The following EPB41L3 variants were observed in gnomAD, a reference collection of about 807,000 sequenced individuals.
EPB41L3 encodes erythrocyte membrane protein band 4.1 like 3, also known as band 4.1-like protein 3.
In EPB41L3, 57 loss-of-function variants were observed where a neutral mutation model predicts 127.1. That is an observed-to-expected ratio of 0.45 (90% CI 0.36 to 0.56). The LOEUF is 0.56. Among genes scored for constraint, EPB41L3 ranks in the 20% least tolerant of loss-of-function variants. EPB41L3 has a pLI of 0.00. For synonymous variants in EPB41L3, 572 were observed against 549.5 expected (o/e 1.04, Z -0.57); for missense variants, 1,273 against 1,372.2 (o/e 0.93, Z 1.14).
chr18:5,446,042 C>T (rs1002507259), intron 3 of EPB41L3, among the ~76,000 whole-genome samples: 1 of 152,152 alleles, frequency 6.6e-6, no homozygotes, highest in African/African-American at 2.4e-5. Context: ...AAGAATTAAC[C>T]CTGCTCCTTG....
At position 5,495,399 on chromosome 18, in the gene EPB41L3, T is replaced by TA. The variant is rs200781678; in HGVS notation, c.-11-6206dup. On this transcript the variant is annotated intron_variant, in intron 1 of 22. Coordinates refer to ENST00000341928, the MANE Select transcript of EPB41L3 (RefSeq NM_012307.5). Reference sequence around the variant, plus strand: ...CATTTACAAATCAGTATTGGAAACTTAAAAAAAAAAAAAAAAAAACTAAAT... The same window carrying TA: ...CATTTACAAATCAGTATTGGAAACTTAAAAAAAAAAAAAAAAAAAACTAAAT... Among the ~76,000 whole-genome samples, 910 of 115,960 alleles carry TA rather than the reference T, an allele frequency of 7.8e-3. 1 individual carries two copies. The highest frequency in any genetic ancestry group is 0.012 in the African/African-American group (411 of 33,020). The allele number at this position is 115,960 out of a possible 152,430, so 76.1% of individuals were successfully genotyped here.
chr18:5,438,888 C>T (rs2080252764), intron 5 of EPB41L3, among the ~76,000 whole-genome samples: 1 of 152,192 alleles, frequency 6.6e-6, no homozygotes. Flanking sequence ...CAACACATAT[C>T]CTTGAAACAT....
chr18:5,601,458 G>T (rs1201862975), intron 3 of EPB41L3, among the ~76,000 whole-genome samples: 1 of 152,174 alleles, frequency 6.6e-6, no homozygotes, highest in African/African-American at 2.4e-5. Flanking sequence ...TGCTGACATA[G>T]CCTGCAGGGA....
chr18:5,544,180 C>A, upstream of EPB41L3: 1 of 985,176 alleles, frequency 1.0e-6, no homozygotes. Flanking sequence ...CGCAGTACTT[C>A]AGGACAGTTA....
At chr18:5,549,755 G>A (rs1785385) in intron 3 of EPB41L3, among the ~76,000 whole-genome samples, 35,764 of 151,934 alleles carry the variant, frequency 0.24, 5,767 homozygotes, top group African/African-American at 0.46. Context: ...ACCAAATCTT[G>A]AGAACCATTG....
intron 3 of EPB41L3, among the ~76,000 whole-genome samples, chr18:5,461,442 T>C (rs188369092): frequency 6.6e-6 from 1 of 152,342 alleles, no homozygotes; most frequent in African/African-American, 2.4e-5. Context: ...ATGTGCTTAT[T>C]AGAAAAGGAC....
rs575037905 is a variant in EPB41L3 at position 5,489,139 on chromosome 18, C to G, written c.45G>C (p.Gln15His). 5 of 1,595,056 alleles carry G rather than the reference C, an allele frequency of 3.1e-6. No homozygotes were observed. The highest frequency in any genetic ancestry group is 2.8e-5 in the African/African-American group (2 of 72,626). The change falls in exon 2 of 23, where the codon CAG becomes CAC. Residue 15 changes from glutamine to histidine, a missense_variant. By Grantham distance (24) the Gln-to-His change is conservative. This residue lies in a region of EPB41L3 where 182 missense variants were observed against 149.2 expected (regional missense o/e 1.22). Transcript: ENST00000341928. ...CCGCCGCCTCCTGGGGCTCGGCCTCCTGGTCCGGCTTGGATTCCGAGTCTG... is the reference window on the plus strand; with the variant it reads ...CCGCCGCCTCCTGGGGCTCGGCCTCGTGGTCCGGCTTGGATTCCGAGTCTG... ...SGSDSESKPD[Q>H]EAEPQEAAGA...
intron 1 of EPB41L3, among the ~76,000 whole-genome samples, chr18:5,520,871 C>A (rs2092962575): frequency 1.3e-5 from 2 of 152,124 alleles, no homozygotes; most frequent in East Asian, 3.8e-4. Flanking sequence ...ATACAAGAAA[C>A]CTTTAAGAAT....
intron 3 of EPB41L3, among the ~76,000 whole-genome samples, chr18:5,583,287 T>C (rs2143282915): frequency 6.6e-6 from 1 of 152,302 alleles, no homozygotes; most frequent in South Asian, 2.1e-4. Context: ...ATTCTGCTAC[T>C]CACTGCATAG....
At chr18:5,628,438 C>T (rs1339165002) in intron 1 of EPB41L3, among the ~76,000 whole-genome samples, 4 of 152,232 alleles carry the variant, frequency 2.6e-5, no homozygotes, top group Non-Finnish European at 5.9e-5. Context: ...GCCCCAAGGG[C>T]GGGGGCAGCA....
intron 3 of EPB41L3, chr18:5,571,011 A>G (rs532576414): frequency 6.6e-6 from 1 of 152,310 alleles, no homozygotes; most frequent in South Asian, 2.1e-4. Flanking sequence ...TTCTGAATAT[A>G]AGTCCACTAC....
intron 3 of EPB41L3, among the ~76,000 whole-genome samples, chr18:5,561,102 C>T (rs1029159849): frequency 1.3e-5 from 2 of 148,494 alleles, no homozygotes; most frequent in Non-Finnish European, 3.0e-5. Flanking sequence ...CTCAGCCTCC[C>T]GAGTAGCTGG....
chr18:5,500,458 G>C (rs1322855051), intron 1 of EPB41L3, among the ~76,000 whole-genome samples: 1 of 152,074 alleles, frequency 6.6e-6, no homozygotes, highest in Non-Finnish European at 1.5e-5. Context: ...TCTGAAATGG[G>C]TCTCTCTTTC....
At chr18:5,523,002 TA>T (rs1227437349) in intron 1 of EPB41L3, among the ~76,000 whole-genome samples, 3 of 152,182 alleles carry the variant, frequency 2.0e-5, no homozygotes, top group African/African-American at 4.8e-5. Flanking sequence ...AGAGAGTACA[TA>T]AAAAATATTT....
At chr18:5,503,921 T>C (rs2091948975) in intron 1 of EPB41L3, among the ~76,000 whole-genome samples, 1 of 152,254 alleles carries the variant, frequency 6.6e-6, no homozygotes, top group Non-Finnish European at 1.5e-5. Context: ...ATCTCAGTCA[T>C]GCTCAATCTC....
intron 3 of EPB41L3, among the ~76,000 whole-genome samples, chr18:5,578,026 C>T (rs1326219282): frequency 1.3e-5 from 2 of 152,126 alleles, no homozygotes; most frequent in East Asian, 3.9e-4. Context: ...ACTGGCCACA[C>T]CGATAAGCAG....
chr18:5,483,166 T>C (rs12607552), intron 2 of EPB41L3, among the ~76,000 whole-genome samples: 6,487 of 152,102 alleles, frequency 0.043, 350 homozygotes, highest in East Asian at 0.15. Flanking sequence ...AGTTAAAGTA[T>C]AGAATTGGGG....
intron 1 of EPB41L3, among the ~76,000 whole-genome samples, chr18:5,515,259 G>GT (rs1004475483): frequency 1.7e-4 from 26 of 152,112 alleles, no homozygotes; most frequent in Non-Finnish European, 3.2e-4. Context: ...GCTACTGAGA[G>GT]TTTTTTTGCT....
At chr18:5,612,742 T>C (rs988332030) in intron 2 of EPB41L3, among the ~76,000 whole-genome samples, 5 of 152,170 alleles carry the variant, frequency 3.3e-5, no homozygotes, top group Admixed American at 2.0e-4. Flanking sequence ...TTCAAACACA[T>C]TTTTGTTTTG....
Sources: gnomAD v4.1 joint callset for allele counts (sites outside exome capture counted in the v4.1 genomes callset) on GRCh38, gnomAD v4.1.1 for gene constraint, gnomAD v4.1.1 regional missense constraint, MANE v1.5 for transcripts, NCBI Gene and HGNC (gene_info 2026-07-23, HGNC 2026-07-21) for gene names.